The following CBLN2 variants were observed in gnomAD, a reference collection of about 807,000 sequenced individuals.
CBLN2 encodes cerebellin-2.
In CBLN2, 7 loss-of-function variants were observed where a neutral mutation model predicts 15.0. That is an observed-to-expected ratio of 0.47 (90% CI 0.27 to 0.88). The LOEUF (loss-of-function observed/expected upper bound fraction) is 0.88. Ranked by LOEUF, CBLN2 falls within the 40% of genes least tolerant of loss-of-function variation. The pLI is 0.14. For synonymous variants in CBLN2, 149 were observed against 135.2 expected (o/e 1.10, Z -0.71); for missense variants, 242 against 304.5 (o/e 0.79, Z 1.53).
chr18:72,560,779 T>C (rs623939), intron 1 of CBLN2, among the ~76,000 whole-genome samples: 151,119 of 152,182 alleles, frequency 0.99, 75,038 homozygotes, highest in Middle Eastern at 1. Flanking sequence ...GAGGCCGAGG[T>C]GGGCGGATCA....
At position 72,557,781 on chromosome 18, in the gene CBLN2, T is replaced by C. The variant is rs151295176; in HGVS notation, c.16-19009A>G. On this transcript the variant is annotated intron_variant, in intron 1 of 2. Coordinates refer to the CBLN2 transcript ENST00000581073. ...GAGGTGGGGTGCGGGGAGAGAGCAT[T>C]AGGAAAAAATAGCTAATGCATGCTC... is the stretch of plus-strand genomic sequence containing the variant. Among the ~76,000 whole-genome samples, 589 of 152,080 alleles carry C rather than the reference T, an allele frequency of 3.9e-3. 1 individual carries two copies. Among genetic ancestry groups the C allele is most frequent in the Middle Eastern group, 6.8e-3 (2 of 292 alleles).
chr18:72,619,572 T>C (rs2069685914), intron 1 of CBLN2, among the ~76,000 whole-genome samples: 1 of 152,172 alleles, frequency 6.6e-6, no homozygotes, highest in South Asian at 2.1e-4. Context: ...AAGAAAAGTT[T>C]CTTTTGTACC....
At chr18:72,603,091 T>C (rs1184786466) in intron 1 of CBLN2, among the ~76,000 whole-genome samples, 7 of 152,268 alleles carry the variant, frequency 4.6e-5, no homozygotes, top group Admixed American at 1.3e-4. Flanking sequence ...ATGTTACATG[T>C]ATATGCCATG....
At chr18:72,618,778 G>A in intron 1 of CBLN2, 1 of 729,584 alleles carries the variant, frequency 1.4e-6, no homozygotes. Context: ...TTCTGTGAAT[G>A]GCCACAACTG....
intron 1 of CBLN2, among the ~76,000 whole-genome samples, chr18:72,633,114 A>G (rs1277741959): frequency 1.3e-5 from 2 of 152,194 alleles, no homozygotes; most frequent in African/African-American, 4.8e-5. Flanking sequence ...GTATTCAAAA[A>G]ATCAACGGCG....
intron 1 of CBLN2, among the ~76,000 whole-genome samples, chr18:72,602,040 C>T (rs922368499): frequency 1.3e-5 from 2 of 152,190 alleles, no homozygotes; most frequent in African/African-American, 4.8e-5. Context: ...GCTCTAGCCC[C>T]TGCTGAGCCA....
At chr18:72,607,890 G>C (rs2069593939) in intron 1 of CBLN2, among the ~76,000 whole-genome samples, 1 of 151,994 alleles carries the variant, frequency 6.6e-6, no homozygotes, top group South Asian at 2.1e-4. Context: ...TTTTTTTCTA[G>C]CCACATCCAG....
At position 72,536,747 on chromosome 18, in the gene CBLN2, T is replaced by C. The variant is rs1449858832; in HGVS notation, c.*1429A>G. ...TTTTATCATCAATATTTTGGTTACATTGTTACACAAAGAACAAATTAACAT... is the reference window on the plus strand; with the variant it reads ...TTTTATCATCAATATTTTGGTTACACTGTTACACAAAGAACAAATTAACAT... On this transcript the variant is annotated 3_prime_UTR_variant, in exon 5 of 5. Coordinates refer to ENST00000269503, the MANE Select transcript of CBLN2 (RefSeq NM_182511.4). The C allele has an allele frequency of 6.6e-6, 1 of 152,662 alleles. No homozygotes were observed. Among genetic ancestry groups the C allele is most frequent in the Non-Finnish European group, 1.5e-5 (1 of 68,038 alleles). The allele number at this position is 152,662 out of a possible 1,614,324, so 9.5% of individuals were successfully genotyped here.
At chr18:72,547,241 C>T (rs1473539284), upstream of CBLN2, among the ~76,000 whole-genome samples, 2 of 151,786 alleles carry the variant, frequency 1.3e-5, no homozygotes. Flanking sequence ...CTATCTTAAG[C>T]GAAATAACTC....
chr18:72,554,782 T>C (rs1417045941), intron 1 of CBLN2, among the ~76,000 whole-genome samples: 2 of 152,100 alleles, frequency 1.3e-5, no homozygotes, highest in Non-Finnish European at 2.9e-5. Context: ...TGTATAAAAG[T>C]TCATCTCTTA....
intron 1 of CBLN2, among the ~76,000 whole-genome samples, chr18:72,575,026 T>G (rs1338795087): frequency 4.6e-5 from 7 of 152,056 alleles, no homozygotes; most frequent in Admixed American, 3.9e-4. Context: ...GAAGTGATTA[T>G]AGTGAGTAAG....
At chr18:72,540,502 C>CA (rs1208368566) in intron 3 of CBLN2, among the ~76,000 whole-genome samples, 2 of 152,138 alleles carry the variant, frequency 1.3e-5, no homozygotes, top group Non-Finnish European at 2.9e-5. Context: ...CTTTGCAAGA[C>CA]ATTGGTAAGT....
intron 1 of CBLN2, among the ~76,000 whole-genome samples, chr18:72,628,362 T>C (rs1184935780): frequency 6.6e-6 from 1 of 152,180 alleles, no homozygotes; most frequent in Non-Finnish European, 1.5e-5. Context: ...GGAGGGCTCT[T>C]GGGATCCATA....
chr18:72,537,249 T>C lies in CBLN2; in HGVS notation c.*927A>G, dbSNP rs747976249. 6.6e-6 allele frequency: 1 copy of C among 151,592 alleles called. No homozygotes were observed. The highest frequency in any genetic ancestry group is 1.5e-5 in the Non-Finnish European group (1 of 67,824). 9.4% of individuals were successfully genotyped at this position (151,592 alleles called of 1,614,324 possible). On this transcript the variant is annotated 3_prime_UTR_variant, in exon 5 of 5. Transcript: ENST00000269503. ...TCTTAAAGGATTCTGAAGTATAAAT[T>C]AAAAAAAAATGCAGGTTGCTATTAA...
At chr18:72,559,500 G>A (rs1428520249) in intron 1 of CBLN2, among the ~76,000 whole-genome samples, 1 of 152,118 alleles carries the variant, frequency 6.6e-6, no homozygotes, top group Non-Finnish European at 1.5e-5. Context: ...TTCATAGAAA[G>A]GATAACTTAT....
Position 72,543,676 on chromosome 18 carries a change from C to T in CBLN2, c.-211-146G>A, listed in dbSNP as rs1168464281. ...GCGCCGCTTCAGGGGTGCACCACGCCCCGCGCGCCCGCTTAGGCGCCGCGC... is the reference window on the plus strand; with the variant it reads ...GCGCCGCTTCAGGGGTGCACCACGCTCCGCGCGCCCGCTTAGGCGCCGCGC... On this transcript the variant is annotated intron_variant, in intron 1 of 4. Coordinates refer to ENST00000269503, the MANE Select transcript of CBLN2 (RefSeq NM_182511.4). This position sits in a 1 kb window ranked among gnomAD's most constrained non-coding sequence, Gnocchi z 6.8. 1.1e-5 allele frequency: 4 copies of T among 359,282 alleles called. No homozygotes were observed. The highest frequency in any genetic ancestry group is 1.5e-5 in the Non-Finnish European group (3 of 201,008). The allele number at this position is 359,282 out of a possible 1,614,324, so 22.3% of individuals were successfully genotyped here.
chr18:72,593,587 G>A (rs1227628675), intron 1 of CBLN2, among the ~76,000 whole-genome samples: 2 of 152,170 alleles, frequency 1.3e-5, no homozygotes, highest in African/African-American at 4.8e-5. Context: ...TCTTGTTCCA[G>A]ATCTTAGAGG....
At chr18:72,627,218 C>A (rs192788469) in intron 1 of CBLN2, among the ~76,000 whole-genome samples, 48 of 152,246 alleles carry the variant, frequency 3.2e-4, no homozygotes, top group African/African-American at 1.2e-3. Context: ...CAATCAATAG[C>A]AGAATGGATA....
At chr18:72,583,853 A>T (rs927729420) in intron 1 of CBLN2, among the ~76,000 whole-genome samples, 2 of 152,240 alleles carry the variant, frequency 1.3e-5, no homozygotes, top group African/African-American at 4.8e-5. Context: ...AGGCTCTTTG[A>T]AAAGTTGCCC....
Sources: gnomAD v4.1 joint callset for allele counts (sites outside exome capture counted in the v4.1 genomes callset) on GRCh38, gnomAD v4.1.1 for gene constraint, Gnocchi (gnomAD v3.1) non-coding constraint, MANE v1.5 for transcripts, NCBI Gene and HGNC (gene_info 2026-07-23, HGNC 2026-07-21) for gene names.